LRRC4C: variants seen among roughly 807,000 people sequenced by gnomAD.
LRRC4C encodes the protein leucine-rich repeat-containing protein 4C.
LRRC4C carries 5 observed loss-of-function variants against 33.6 expected under a neutral mutation model. The observed-to-expected ratio is 0.15, with a 90% confidence interval of 0.08 to 0.31. The LOEUF (loss-of-function observed/expected upper bound fraction) is 0.31, where lower values mean the gene tolerates loss of function less well. LRRC4C is among the 10% of genes least tolerant of loss of function. The probability of loss-of-function intolerance (pLI) is 1.00; values close to 1 mark genes in which losing one functional copy is unlikely to be tolerated. For synonymous variants in LRRC4C, 329 were observed against 302.0 expected, an observed-to-expected ratio of 1.09 and a Z score of -0.93; for missense variants, 560 against 796.7, an observed-to-expected ratio of 0.70 and a Z score of 3.58.
chr11:40,431,191 G>T (rs1351235544), intron 3 of LRRC4C, among the ~76,000 whole-genome samples: 1 of 150,734 alleles, frequency 6.6e-6, no homozygotes, highest in Non-Finnish European at 1.5e-5. Context: ...CACTTTGGGA[G>T]GTTCAGGTGG....
intron 1 of LRRC4C, among the ~76,000 whole-genome samples, chr11:41,226,251 C>T (rs182110873): frequency 6.6e-6 from 1 of 152,022 alleles, no homozygotes; most frequent in Non-Finnish European, 1.5e-5. Flanking sequence ...AAGTACCAAA[C>T]AATGATCGTT....
chr11:41,183,298 G>A (rs1035523947), intron 1 of LRRC4C, among the ~76,000 whole-genome samples: 1 of 152,074 alleles, frequency 6.6e-6, no homozygotes, highest in Non-Finnish European at 1.5e-5. Flanking sequence ...TCTCATCCAA[G>A]ACAAGGCAAG....
chr11:41,365,776 A>C lies in LRRC4C; in HGVS notation c.-496+93655T>G, dbSNP rs902867082. Among the ~76,000 whole-genome samples, 3 of 152,318 alleles carry C rather than the reference A, an allele frequency of 2.0e-5. No individual in the cohort carries two copies. In the East Asian group the frequency reaches 5.8e-4, roughly 29 times the overall value. On this transcript the variant is annotated intron_variant, in intron 1 of 6. Transcript: ENST00000528697. ...TAGAAGTAGAACAATGTGTGAGTTAATATATAATGTACCTGCATGGTGGGA... is the reference window on the plus strand; with the variant it reads ...TAGAAGTAGAACAATGTGTGAGTTACTATATAATGTACCTGCATGGTGGGA...
chr11:41,304,736 C>CT (rs1950424272), intron 1 of LRRC4C, among the ~76,000 whole-genome samples: 2 of 95,096 alleles, frequency 2.1e-5, no homozygotes, highest in Admixed American at 1.1e-4. Flanking sequence ...ATCAGCCCCC[C>CT]GCCCGGCCAG....
intron 3 of LRRC4C, among the ~76,000 whole-genome samples, chr11:40,321,397 C>G (rs1945843272): frequency 6.6e-6 from 1 of 152,148 alleles, no homozygotes; most frequent in South Asian, 2.1e-4. Context: ...CTAATTTAAG[C>G]TTGCATTATA....
chr11:41,103,804 T>G (rs1475891488), intron 1 of LRRC4C, among the ~76,000 whole-genome samples: 1 of 152,040 alleles, frequency 6.6e-6, no homozygotes, highest in East Asian at 1.9e-4. Flanking sequence ...TGGCAAAAAA[T>G]TAAGAACTCA....
chr11:40,664,158 T>C (rs1237021406), intron 2 of LRRC4C, among the ~76,000 whole-genome samples: 2 of 152,216 alleles, frequency 1.3e-5, no homozygotes, highest in Non-Finnish European at 2.9e-5. Context: ...GAGTAGTGTA[T>C]AATTCAACAT....
intron 3 of LRRC4C, among the ~76,000 whole-genome samples, chr11:40,599,728 A>G (rs1959780187): frequency 6.6e-6 from 1 of 152,216 alleles, no homozygotes; most frequent in Non-Finnish European, 1.5e-5. Context: ...GGAATAATAA[A>G]TGAATGAAGG....
chr11:40,357,898 G>A (rs1446243620), intron 3 of LRRC4C, among the ~76,000 whole-genome samples: 1 of 152,082 alleles, frequency 6.6e-6, no homozygotes, highest in Non-Finnish European at 1.5e-5. Context: ...AAAGATTAGA[G>A]AAGTGGCCAG....
At chr11:40,333,851 C>T (rs7943431) in intron 3 of LRRC4C, among the ~76,000 whole-genome samples, 148,483 of 152,188 alleles carry the variant, frequency 0.98, 72,556 homozygotes, top group Middle Eastern at 1. Context: ...GTCAGATCAC[C>T]GCTAAGCGAT....
At chr11:40,958,568 G>A (rs570334870) in intron 1 of LRRC4C, among the ~76,000 whole-genome samples, 19 of 151,740 alleles carry the variant, frequency 1.3e-4, no homozygotes, top group Admixed American at 7.2e-4. Flanking sequence ...TTGGGTAAGC[G>A]CATAAACTCC....
intron 3 of LRRC4C, among the ~76,000 whole-genome samples, chr11:40,387,027 T>C (rs547062820): frequency 4.2e-4 from 64 of 152,286 alleles, no homozygotes; most frequent in African/African-American, 1.5e-3. Flanking sequence ...TCTGATGGTA[T>C]TTGAGATGAC....
At chr11:40,477,505 G>T (rs143021812) in intron 3 of LRRC4C, among the ~76,000 whole-genome samples, 3 of 151,688 alleles carry the variant, frequency 2.0e-5, no homozygotes, top group Non-Finnish European at 4.4e-5. Flanking sequence ...AGAATAATAC[G>T]ATTATTTTCA....
rs533962252 is a variant in LRRC4C, at chr11:40,771,521, A to T, written c.-406-123243T>A. Among the ~76,000 whole-genome samples, 7 of 152,174 alleles carry T rather than the reference A, an allele frequency of 4.6e-5. No individual in the cohort carries two copies. In the East Asian group the frequency reaches 1.2e-3, roughly 25 times the overall value. On this transcript the variant is annotated intron_variant, in intron 2 of 6. Coordinates refer to ENST00000528697, the MANE Select transcript of LRRC4C (RefSeq NM_001258419.2). ...GATTAACATTCGGCTCCTCATGCAA[A>T]TTTCTGCAGCTGGCTTGAATTTCTC...
intron 1 of LRRC4C, among the ~76,000 whole-genome samples, chr11:41,090,140 A>G (rs756570598): frequency 2.8e-4 from 42 of 152,114 alleles, no homozygotes; most frequent in Non-Finnish European, 3.7e-4. Context: ...ACTTTGGAAA[A>G]TGTTTGCAAT....
chr11:40,477,545 T>TAA (rs113596921), intron 3 of LRRC4C, among the ~76,000 whole-genome samples: 6 of 148,232 alleles, frequency 4.0e-5, no homozygotes, highest in African/African-American at 1.5e-4. Context: ...CATTCCCTTC[T>TAA]AAAAAAAAAA....
At chr11:40,630,108 T>C (rs1963324362) in intron 3 of LRRC4C, among the ~76,000 whole-genome samples, 1 of 152,124 alleles carries the variant, frequency 6.6e-6, no homozygotes, top group Non-Finnish European at 1.5e-5. Context: ...ACCTCAGTTG[T>C]AGACTTTGTG....
chr11:40,710,493 C>G (rs4609588), intron 2 of LRRC4C, among the ~76,000 whole-genome samples: 50,383 of 147,974 alleles, frequency 0.34, 8,457 homozygotes, highest in East Asian at 0.44. Context: ...TCCACTCCAG[C>G]CCCTGTTTGC....
intron 3 of LRRC4C, among the ~76,000 whole-genome samples, chr11:40,436,766 T>C (rs1951156740): frequency 6.6e-6 from 1 of 152,168 alleles, no homozygotes; most frequent in Non-Finnish European, 1.5e-5. Flanking sequence ...TTCAGAGTGC[T>C]AGACCCCAGC....
Sources: allele counts gnomAD v4.1 joint callset (sites outside exome capture counted in the v4.1 genomes callset), GRCh38; gene constraint gnomAD v4.1.1; transcripts MANE v1.5; gene names NCBI Gene and HGNC (gene_info 2026-07-23, HGNC 2026-07-21).